The following GRID1 variants were observed in gnomAD, a reference collection of about 807,000 sequenced individuals.
The protein encoded by GRID1 is glutamate receptor ionotropic, delta-1.
A neutral mutation model predicts 98.0 loss-of-function variants in GRID1; 28 were observed. That is an observed-to-expected ratio of 0.29 (90% CI 0.21 to 0.39). The LOEUF (loss-of-function observed/expected upper bound fraction) is 0.39, where lower values mean the gene tolerates loss of function less well. Among genes scored for constraint, GRID1 ranks in the 10% least tolerant of loss-of-function variants. GRID1 has a pLI of 1.00. For synonymous variants in GRID1, 553 were observed against 538.5 expected, an observed-to-expected ratio of 1.03 and a Z score of -0.37; for missense variants, 1,111 against 1,340.5, an observed-to-expected ratio of 0.83 and a Z score of 2.67.
chr10:86,120,309 T>C (rs1844646993), intron 4 of GRID1, among the ~76,000 whole-genome samples: 1 of 152,230 alleles, frequency 6.6e-6, no homozygotes, highest in Non-Finnish European at 1.5e-5. Context: ...GGTTGGTCCT[T>C]GCCTATCCTT....
At chr10:86,256,612 C>T (rs1354655408) in intron 2 of GRID1, among the ~76,000 whole-genome samples, 1 of 152,142 alleles carries the variant, frequency 6.6e-6, no homozygotes, top group East Asian at 1.9e-4. Flanking sequence ...CTCTCTCTCT[C>T]TCTTCATATA....
chr10:86,201,087 T>C (rs996459909), intron 3 of GRID1, among the ~76,000 whole-genome samples: 2 of 152,200 alleles, frequency 1.3e-5, no homozygotes, highest in Admixed American at 6.5e-5. Context: ...TGAAAAGCTC[T>C]TGCACACAAA....
intron 12 of GRID1, among the ~76,000 whole-genome samples, chr10:85,688,370 G>C (rs1469994486): frequency 6.6e-6 from 1 of 152,148 alleles, no homozygotes; most frequent in Non-Finnish European, 1.5e-5. Context: ...AAGGTATTGG[G>C]TGAATTTTTT....
intron 8 of GRID1, among the ~76,000 whole-genome samples, chr10:85,737,662 AT>A (rs1841897798): frequency 7.5e-6 from 1 of 133,438 alleles, no homozygotes; most frequent in Admixed American, 7.7e-5. Context: ...ATATATATAT[AT>A]ATATATATAT....
chr10:86,215,379 C>G (rs557872581), intron 2 of GRID1, among the ~76,000 whole-genome samples: 1 of 152,322 alleles, frequency 6.6e-6, no homozygotes, highest in African/African-American at 2.4e-5. Context: ...ATTCCTCTAA[C>G]AATTAATGAA....
At chr10:86,024,994 A>G (rs1018663401) in intron 4 of GRID1, among the ~76,000 whole-genome samples, 1 of 152,240 alleles carries the variant, frequency 6.6e-6, no homozygotes, top group African/African-American at 2.4e-5. Context: ...TTGCAGTGTC[A>G]GTCCCAATGT....
At chr10:86,276,145 T>C (rs1361915373) in intron 2 of GRID1, among the ~76,000 whole-genome samples, 1 of 152,228 alleles carries the variant, frequency 6.6e-6, no homozygotes, top group Non-Finnish European at 1.5e-5. Flanking sequence ...TCTCACAGTC[T>C]GGAAGATAGA....
At chr10:85,699,333 C>T (rs946073308) in intron 12 of GRID1, among the ~76,000 whole-genome samples, 7 of 152,168 alleles carry the variant, frequency 4.6e-5, no homozygotes, top group Non-Finnish European at 1.0e-4. Flanking sequence ...GGACTATAGG[C>T]ATGAGCCACT....
chr10:86,058,067 A>T (rs1465531527), intron 4 of GRID1, among the ~76,000 whole-genome samples: 2 of 152,132 alleles, frequency 1.3e-5, no homozygotes, highest in Non-Finnish European at 2.9e-5. Context: ...AGCTTTGGGG[A>T]AGTAAAACCA....
chr10:86,246,746 C>T (rs1362426798), intron 2 of GRID1, among the ~76,000 whole-genome samples: 1 of 152,200 alleles, frequency 6.6e-6, no homozygotes, highest in Non-Finnish European at 1.5e-5. Context: ...AGCCTGAAAG[C>T]TTATTCTAGG....
chr10:85,881,545 T>C (rs1841014912), intron 5 of GRID1, among the ~76,000 whole-genome samples: 1 of 152,190 alleles, frequency 6.6e-6, no homozygotes, highest in Non-Finnish European at 1.5e-5. Flanking sequence ...ATTTAATAAA[T>C]GGTGCTGGGA....
chr10:85,898,913 T>C (rs548065298), intron 5 of GRID1, among the ~76,000 whole-genome samples: 1 of 152,328 alleles, frequency 6.6e-6, no homozygotes, highest in African/African-American at 2.4e-5. Context: ...TCTCAAGTAT[T>C]ATGGACTGCA....
At chr10:86,127,618 G>A (rs1224169701) in intron 4 of GRID1, among the ~76,000 whole-genome samples, 1 of 152,168 alleles carries the variant, frequency 6.6e-6, no homozygotes. Context: ...TGGACCACAA[G>A]CTGGTTCTCA....
intron 2 of GRID1, among the ~76,000 whole-genome samples, chr10:86,298,506 G>A (rs563346792): frequency 1.3e-5 from 2 of 152,262 alleles, no homozygotes; most frequent in South Asian, 4.2e-4. Context: ...CTGTGCTGGG[G>A]GTGTGGGGCT....
At chr10:85,888,663 G>C (rs1841151752) in intron 5 of GRID1, among the ~76,000 whole-genome samples, 1 of 152,162 alleles carries the variant, frequency 6.6e-6, no homozygotes, top group Admixed American at 6.5e-5. Context: ...TAGGTGGGCT[G>C]TCTGTGAGAT....
At chr10:85,962,132 C>T (rs1262045625) in intron 4 of GRID1, among the ~76,000 whole-genome samples, 2 of 152,146 alleles carry the variant, frequency 1.3e-5, no homozygotes, top group South Asian at 2.1e-4. Context: ...TTGGTCAGGC[C>T]TCCTCACTGG....
intron 3 of GRID1, among the ~76,000 whole-genome samples, chr10:86,141,586 A>G (rs1019149330): frequency 2.0e-5 from 3 of 152,234 alleles, no homozygotes; most frequent in East Asian, 1.9e-4. Flanking sequence ...ACGGGTGCCA[A>G]TGAGGGTTTC....
At chr10:86,135,377 T>A (rs563445905) in intron 4 of GRID1, among the ~76,000 whole-genome samples, 1 of 152,280 alleles carries the variant, frequency 6.6e-6, no homozygotes, top group South Asian at 2.1e-4. Context: ...GGAAGGGACA[T>A]TCCATGGCCT....
intron 13 of GRID1, among the ~76,000 whole-genome samples, chr10:85,620,616 G>A (rs542528650): frequency 6.6e-6 from 1 of 152,294 alleles, no homozygotes; most frequent in South Asian, 2.1e-4. Flanking sequence ...CTGTGCATGA[G>A]GAAAAATCCA....
Sources: allele counts gnomAD v4.1 joint callset (sites outside exome capture counted in the v4.1 genomes callset), GRCh38; gene constraint gnomAD v4.1.1; transcripts MANE v1.5; gene names NCBI Gene and HGNC (gene_info 2026-07-23, HGNC 2026-07-21).